The following SLC9A3 variants were observed in gnomAD, a reference collection of about 807,000 sequenced individuals.
SLC9A3 encodes the protein solute carrier family 9 member A3.
A neutral mutation model predicts 86.8 loss-of-function variants in SLC9A3; 37 were observed. That is an observed-to-expected ratio of 0.43 (90% CI 0.33 to 0.56). The LOEUF (loss-of-function observed/expected upper bound fraction) is 0.56, where lower values mean the gene tolerates loss of function less well. Ranked by LOEUF, SLC9A3 falls within the 20% of genes least tolerant of loss-of-function variation. The probability of loss-of-function intolerance (pLI) is 0.06; values close to 1 mark genes in which losing one functional copy is unlikely to be tolerated. For missense variants in SLC9A3, 1,011 were observed against 1,171.9 expected (o/e 0.86, Z 2.00); for synonymous variants, 581 against 528.3 (o/e 1.10, Z -1.37).
chr5:475,709 G>A (rs1738681746), intron 14 of SLC9A3, 38 bp from the exon 15 acceptor site: 4 of 1,169,858 alleles, frequency 3.4e-6, no homozygotes, highest in Middle Eastern at 1.9e-4. Flanking sequence ...TGGGGTCACT[G>A]GGGGGCTGTC....
chr5:474,173 A>G (rs967201191), intron 16 of SLC9A3, among the ~76,000 whole-genome samples: 4 of 121,960 alleles, frequency 3.3e-5, no homozygotes, highest in Admixed American at 2.4e-4. Context: ...GGAGCTGCGG[A>G]GAGGGGTTAG....
chr5:501,947 G>A (rs766361811), intron 1 of SLC9A3, among the ~76,000 whole-genome samples: 3 of 152,340 alleles, frequency 2.0e-5, no homozygotes, highest in East Asian at 1.9e-4. Context: ...GAGCGAGGCC[G>A]GGCCCCCGGG....
In SLC9A3 at chr5:472,346, G is replaced by T. The variant is rs145205187; in HGVS notation, c.*1033C>A. On this transcript the variant is annotated 3_prime_UTR_variant, in exon 17 of 17. Transcript: ENST00000264938. Reference sequence around the variant, plus strand: ...GAGGGCCTGAGCCTGGTAGGGGGGCGGTGCCCTGGGCCCCTCCATGCCCCC... The same window carrying T: ...GAGGGCCTGAGCCTGGTAGGGGGGCTGTGCCCTGGGCCCCTCCATGCCCCC... 3,220 of 334,166 alleles carry T rather than the reference G, an allele frequency of 9.6e-3. 28 individuals carry two copies. Among genetic ancestry groups the T allele is most frequent in the Non-Finnish European group, 0.014 (2,353 of 171,214 alleles). 20.7% of individuals were successfully genotyped at this position (334,166 alleles called of 1,614,324 possible). A position where few individuals can be genotyped will look rare whatever the true frequency, so the allele number is the denominator to read the frequency against.
intron 16 of SLC9A3, among the ~76,000 whole-genome samples, 198 bp from the exon 17 acceptor site, chr5:473,580 C>A (rs982747327): frequency 6.6e-6 from 1 of 152,136 alleles, no homozygotes; most frequent in Non-Finnish European, 1.5e-5. Flanking sequence ...AACAGCGAAG[C>A]CCCAGCCCGG....
intron 2 of SLC9A3, among the ~76,000 whole-genome samples, chr5:490,484 C>G (rs972130166): frequency 5.3e-5 from 8 of 152,196 alleles, no homozygotes; most frequent in African/African-American, 1.9e-4. Context: ...CCGGCAGTGT[C>G]TCTGGCCAAT....
chr5:475,248 T>G, intron 15 of SLC9A3, 116 bp from the exon 16 acceptor site: 1 of 1,045,420 alleles, frequency 9.6e-7, no homozygotes, highest in Admixed American at 2.6e-5. Context: ...CCGGGAAGGT[T>G]AGGGTCACGT....
At chr5:479,604 C>G (rs1485551108) in intron 10 of SLC9A3, 1 of 523,658 alleles carries the variant, frequency 1.9e-6, no homozygotes, top group African/African-American at 1.9e-5. Flanking sequence ...CTGACCTCAG[C>G]GCTCACCCCC....
intron 1 of SLC9A3, among the ~76,000 whole-genome samples, chr5:493,915 G>T (rs535681631): frequency 6.6e-6 from 1 of 152,222 alleles, no homozygotes; most frequent in South Asian, 2.1e-4. Flanking sequence ...CTGGAACCAC[G>T]CGACAGTGAT....
chr5:506,014 C>T (rs937006058), intron 1 of SLC9A3, among the ~76,000 whole-genome samples: 2 of 151,976 alleles, frequency 1.3e-5, no homozygotes, highest in African/African-American at 4.8e-5. Context: ...CTTCAGGTCT[C>T]GCTGACCTTT....
At position 514,458 on chromosome 5, in the gene SLC9A3, C is replaced by T. The variant is rs1733666293; in HGVS notation, c.211+9654G>A. ...CCCTTCCTGGGGCCCACCCTGCCCC[C>T]CGAGGCCCATCGGGTCTTGCCTGTC... On this transcript the variant is annotated intron_variant, in intron 1 of 16. Transcript: ENST00000264938. Among the ~76,000 whole-genome samples, 3 of 152,254 alleles carry T rather than the reference C, an allele frequency of 2.0e-5. No homozygotes were observed. In the South Asian group the frequency reaches 6.2e-4, roughly 31 times the overall value.
intron 16 of SLC9A3, among the ~76,000 whole-genome samples, chr5:474,192 G>A (rs36058401): frequency 4.1e-3 from 361 of 87,582 alleles, no homozygotes; most frequent in Middle Eastern, 0.014. Context: ...AGGCGGGGAG[G>A]GAGAGAGAGA....
Position 476,386 on chromosome 5 carries a change from A to G in SLC9A3, c.1891-8T>C. Reference sequence around the variant, plus strand: ...GCTGTACAGATGCTTGTACTGCGGGATCAGGCACGGAGGTCACAGCTGTGC... The same window carrying G: ...GCTGTACAGATGCTTGTACTGCGGGGTCAGGCACGGAGGTCACAGCTGTGC... On this transcript the variant is annotated splice_region_variant and splice_polypyrimidine_tract_variant and intron_variant, in intron 12 of 16. Coordinates refer to ENST00000264938, the MANE Select transcript of SLC9A3 (RefSeq NM_004174.4). 2.5e-6 allele frequency: 4 copies of G among 1,613,440 alleles called. No homozygotes were observed. Among genetic ancestry groups the G allele is most frequent in the Non-Finnish European group, 3.4e-6 (4 of 1,179,940 alleles).
chr5:476,051 G>A lies in SLC9A3; in HGVS notation c.2109C>T (p.Ser703=). ...CCTTGATGGTGAAATTCTGCGCAGGGCTCTCCATGGGCAGCTTCCCATTGG... is the reference window on the plus strand; with the variant it reads ...CCTTGATGGTGAAATTCTGCGCAGGACTCTCCATGGGCAGCTTCCCATTGG... ...SIPNGKLPME[S]PAQNFTIKEK... The change falls in exon 14 of 17, where the codon AGC becomes AGT. Residue 703 remains serine, a synonymous_variant. Transcript: ENST00000264938. 1.2e-6 allele frequency: 2 copies of A among 1,613,174 alleles called. No individual in the cohort carries two copies. Among genetic ancestry groups the A allele is most frequent in the Non-Finnish European group, 1.7e-6 (2 of 1,179,848 alleles).
chr5:491,155 T>C lies in SLC9A3; in HGVS notation c.514+614A>G, dbSNP rs1386774592. ...GCCGTGGGGCCCAGCTGGTCAAAGCTAGGCTCTGCCTGAGGTCCCTGGACC... is the reference window on the plus strand; with the variant it reads ...GCCGTGGGGCCCAGCTGGTCAAAGCCAGGCTCTGCCTGAGGTCCCTGGACC... On this transcript the variant is annotated intron_variant, in intron 2 of 16. Coordinates refer to ENST00000264938, the MANE Select transcript of SLC9A3 (RefSeq NM_004174.4). This position sits in a 1 kb window ranked among gnomAD's most constrained non-coding sequence, Gnocchi z 9.2. Among the ~76,000 whole-genome samples the C allele has an allele frequency of 6.6e-6, 1 of 152,160 alleles. No individual in the cohort carries two copies. The highest frequency in any genetic ancestry group is 2.4e-5 in the African/African-American group (1 of 41,430).
chr5:506,148 G>A (rs535424562), intron 1 of SLC9A3, among the ~76,000 whole-genome samples: 43 of 152,238 alleles, frequency 2.8e-4, no homozygotes, highest in African/African-American at 4.8e-5. Flanking sequence ...GGCCACAGCC[G>A]CCACTATCAA....
rs574107448 is a variant in SLC9A3 at position 482,352 on chromosome 5, C to T, written c.1357-195G>A. ...GGGGCCTCATCCACCAGCGAAGGCC[C>T]GGGAAGAACATTTTTAGGACAATTA... On this transcript the variant is annotated intron_variant, in intron 7 of 16. Transcript: ENST00000264938. Among the ~76,000 whole-genome samples the T allele has an allele frequency of 2.6e-5, 4 of 152,230 alleles. No individual in the cohort carries two copies. The South Asian group carries it at 8.3e-4, about 32-fold the overall frequency.
intron 16 of SLC9A3, among the ~76,000 whole-genome samples, chr5:474,659 AG>A (rs367569373): frequency 1.2e-3 from 25 of 20,646 alleles, no homozygotes; most frequent in African/African-American, 3.5e-3. Flanking sequence ...GGAGACCTGG[AG>A]GGAGAGGAGC....
intron 2 of SLC9A3, among the ~76,000 whole-genome samples, chr5:490,978 G>C (rs1257708986): frequency 6.6e-6 from 1 of 152,246 alleles, no homozygotes; most frequent in African/African-American, 2.4e-5. Context: ...TCAGGTTTCA[G>C]CCCCTTGATT....
intron 3 of SLC9A3, among the ~76,000 whole-genome samples, chr5:487,722 C>T (rs11134071): frequency 0.17 from 25,305 of 152,304 alleles, 2,813 homozygotes; most frequent in Non-Finnish European, 0.23. Context: ...GGCTGGAGTG[C>T]GATGGCACGA....
Sources: allele counts gnomAD v4.1 joint callset (sites outside exome capture counted in the v4.1 genomes callset), GRCh38; gene constraint gnomAD v4.1.1; non-coding constraint Gnocchi (gnomAD v3.1); transcripts MANE v1.5; gene names NCBI Gene and HGNC (gene_info 2026-07-23, HGNC 2026-07-21).